The following MMD2 variants were observed in gnomAD, a reference collection of about 807,000 sequenced individuals.
MMD2 encodes monocyte to macrophage differentiation factor 2.
Under a neutral mutation model 33.5 loss-of-function variants are expected in MMD2, and 30 were observed. The observed-to-expected ratio is 0.90, with a 90% confidence interval of 0.67 to 1.22. The LOEUF (loss-of-function observed/expected upper bound fraction) is 1.22, where lower values mean the gene tolerates loss of function less well. Ranked by LOEUF, MMD2 falls within the 50% of genes most tolerant of loss-of-function variation. MMD2 has a pLI of 0.00. For missense variants in MMD2, 364 were observed against 325.4 expected (o/e 1.12, Z -0.91); for synonymous variants, 129 against 123.0 (o/e 1.05, Z -0.32).
At chr7:4,911,985 C>G (rs796883649) in intron 4 of MMD2, among the ~76,000 whole-genome samples, 4 of 151,998 alleles carry the variant, frequency 2.6e-5, no homozygotes, top group African/African-American at 9.6e-5. Flanking sequence ...GAGACAGGGT[C>G]TTGCTACTTG....
chr7:4,904,875 G>T (rs1413769424), downstream of MMD2, among the ~76,000 whole-genome samples: 2 of 152,188 alleles, frequency 1.3e-5, no homozygotes, highest in Non-Finnish European at 2.9e-5. Context: ...GAAGGATGGG[G>T]CTCCAAGCTG....
At chr7:4,924,746 G>A (rs544754759) in intron 2 of MMD2, among the ~76,000 whole-genome samples, 97 of 152,224 alleles carry the variant, frequency 6.4e-4, no homozygotes, top group African/African-American at 2.1e-3. Context: ...AAATATTCCC[G>A]GTGACAGGAA....
chr7:4,904,121 C>T (rs185560178), downstream of MMD2, among the ~76,000 whole-genome samples: 967 of 152,224 alleles, frequency 6.4e-3, 4 homozygotes, highest in Non-Finnish European at 0.01. Context: ...TTAGTAGAGA[C>T]GGGGTTTCAC....
At chr7:4,925,846 G>C (rs919238631) in intron 1 of MMD2, among the ~76,000 whole-genome samples, 1 of 151,998 alleles carries the variant, frequency 6.6e-6, no homozygotes, top group Non-Finnish European at 1.5e-5. Context: ...ATGGAGTCTC[G>C]CTCTGTCGAC....
In MMD2 at chr7:4,915,867, GAA is replaced by G. The variant is rs138511042; in HGVS notation, c.365+136_365+137del. 2.9e-3 allele frequency: 2,250 copies of G among 772,474 alleles called. 35 individuals carry two copies. In the African/African-American group the frequency reaches 0.034, roughly 12 times the overall value. 47.9% of individuals were successfully genotyped at this position (772,474 alleles called of 1,614,324 possible). A position where few individuals can be genotyped will look rare whatever the true frequency, so the allele number is the denominator to read the frequency against. ...GGTATAAGTAGCTGCTTCCAGGAAG[GAA>G]AAAAGGGTGGCGGGAAGCTTTTAAC... On this transcript the variant is annotated intron_variant, in intron 4 of 6. Transcript: ENST00000401401.
chr7:4,952,929 G>A (rs537840605), intron 1 of MMD2, among the ~76,000 whole-genome samples: 10 of 151,840 alleles, frequency 6.6e-5, no homozygotes, highest in African/African-American at 1.4e-4. Flanking sequence ...TGCCTGCTTC[G>A]GCCTCCCAAA....
In MMD2 at chr7:4,906,619, A is replaced by C. The variant is rs1040971338; in HGVS notation, c.*777T>G. On this transcript the variant is annotated 3_prime_UTR_variant, in exon 7 of 7. Coordinates refer to ENST00000401401, the MANE Select transcript of MMD2 (RefSeq NM_198403.4). The stretch of plus-strand genomic sequence containing the variant: ...ATCAACTACGGTGGAACAGAACATC[A>C]GGGGCTGCATGGGTGTGCGCCTCAG... 6 of 398,280 alleles carry C rather than the reference A, an allele frequency of 1.5e-5. No homozygotes were observed. Among genetic ancestry groups the C allele is most frequent in the Non-Finnish European group, 1.8e-5 (4 of 225,958 alleles). The allele number at this position is 398,280 out of a possible 1,614,324, so 24.7% of individuals were successfully genotyped here. A position where few individuals can be genotyped will look rare whatever the true frequency, so the allele number is the denominator to read the frequency against.
intron 1 of MMD2, among the ~76,000 whole-genome samples, chr7:4,947,037 A>T (rs1037001164): frequency 6.6e-6 from 1 of 152,042 alleles, no homozygotes; most frequent in African/African-American, 2.4e-5. Flanking sequence ...GTGAAACCCC[A>T]TCTCTACTGA....
At chr7:4,944,091 C>T (rs1338889684) in intron 1 of MMD2, among the ~76,000 whole-genome samples, 1 of 151,780 alleles carries the variant, frequency 6.6e-6, no homozygotes, top group Non-Finnish European at 1.5e-5. Flanking sequence ...CACACTACCA[C>T]ATCCAACACT....
intron 1 of MMD2, among the ~76,000 whole-genome samples, chr7:4,944,760 C>CTTTTTTTTTTTTT (rs142716643): frequency 1.9e-4 from 14 of 75,276 alleles, no homozygotes; most frequent in East Asian, 4.7e-4. Flanking sequence ...TCTTCTTCTT[C>CTTTTTTTTTTTTT]TTTTTTTTTT....
chr7:4,958,059 C>A (rs961272830), intron 1 of MMD2, among the ~76,000 whole-genome samples: 1 of 152,132 alleles, frequency 6.6e-6, no homozygotes, highest in African/African-American at 2.4e-5. Context: ...ACACACCAGG[C>A]CCCTCTGTTC....
At chr7:4,926,658 G>A (rs929226641) in intron 1 of MMD2, among the ~76,000 whole-genome samples, 1 of 152,088 alleles carries the variant, frequency 6.6e-6, no homozygotes, top group African/African-American at 2.4e-5. Context: ...AGAACACGCT[G>A]TTTTCTGTCT....
At chr7:4,915,493 A>G (rs1785116277) in intron 4 of MMD2, among the ~76,000 whole-genome samples, 1 of 151,544 alleles carries the variant, frequency 6.6e-6, no homozygotes, top group African/African-American at 2.4e-5. Flanking sequence ...TAATCCAAAC[A>G]CTTTGGGAGG....
At chr7:4,902,625 A>C (rs899687612), downstream of MMD2, among the ~76,000 whole-genome samples, 16 of 152,030 alleles carry the variant, frequency 1.1e-4, no homozygotes, top group African/African-American at 3.9e-4. Flanking sequence ...ACACCTGCTG[A>C]ATACCACGCC....
intron 2 of MMD2, among the ~76,000 whole-genome samples, chr7:4,921,491 C>T (rs568388322): frequency 3.3e-5 from 5 of 151,738 alleles, no homozygotes; most frequent in African/African-American, 7.2e-5. Context: ...CATGGTGGTG[C>T]GCACCTGTAA....
the MMD2 span, among the ~76,000 whole-genome samples, chr7:4,892,617 A>AATCT: frequency 2.7e-5 from 4 of 149,260 alleles, no homozygotes; most frequent in South Asian, 2.1e-4. Context: ...TAAATAAATA[A>AATCT]ATCTGAAAAA....
rs543735235 is a variant in MMD2, at chr7:4,915,947, T to C, written c.365+58A>G. 2,492 of 1,549,974 alleles carry C rather than the reference T, an allele frequency of 1.6e-3. 11 individuals are homozygous for C. The highest frequency in any genetic ancestry group is 1.0e-3 in the Non-Finnish European group (1,127 of 1,125,018). Reference sequence around the variant, plus strand: ...TTACCCAGCCAAATAGAAAAATAAATTCAAACAATGAAAAGAAAGGCCGCC... The same window carrying C: ...TTACCCAGCCAAATAGAAAAATAAACTCAAACAATGAAAAGAAAGGCCGCC... On this transcript the variant is annotated intron_variant, in intron 4 of 6. Transcript: ENST00000401401.
At chr7:4,928,268 T>G (rs1403192924) in intron 1 of MMD2, among the ~76,000 whole-genome samples, 3 of 152,296 alleles carry the variant, frequency 2.0e-5, no homozygotes, top group Non-Finnish European at 2.9e-5. Flanking sequence ...ATGCAGTATA[T>G]ATGGGTCACT....
the MMD2 span, among the ~76,000 whole-genome samples, chr7:4,894,764 G>A: frequency 1.3e-5 from 2 of 152,176 alleles, no homozygotes; most frequent in Non-Finnish European, 2.9e-5. The surrounding 1 kb of genome is among the most constrained non-coding windows in gnomAD (Gnocchi z 4.3). Context: ...AGCAGGCTCT[G>A]TGAGGACCCT....
Sources: allele counts gnomAD v4.1 joint callset (sites outside exome capture counted in the v4.1 genomes callset), GRCh38; gene constraint gnomAD v4.1.1; non-coding constraint Gnocchi (gnomAD v3.1); transcripts MANE v1.5; gene names NCBI Gene and HGNC (gene_info 2026-07-23, HGNC 2026-07-21).